Variants in KCNJ6 observed in about 807,000 individuals in gnomAD.
The protein encoded by KCNJ6 is potassium inwardly rectifying channel subfamily J member 6, also known as G protein-activated inward rectifier potassium channel 2.
Under a neutral mutation model 34.2 loss-of-function variants are expected in KCNJ6, and 9 were observed. That is an observed-to-expected ratio of 0.26 (90% CI 0.16 to 0.46). The LOEUF is 0.46. Among genes scored for constraint, KCNJ6 ranks in the 20% least tolerant of loss-of-function variants. KCNJ6 has a pLI of 1.00. For missense variants in KCNJ6, 236 were observed against 531.3 expected, an observed-to-expected ratio of 0.44 and a Z score of 5.46; for synonymous variants, 196 against 207.1, an observed-to-expected ratio of 0.95 and a Z score of 0.46.
intron 1 of KCNJ6, among the ~76,000 whole-genome samples, chr21:37,845,923 A>G (rs991395584): frequency 1.3e-5 from 2 of 152,166 alleles, no homozygotes; most frequent in African/African-American, 2.4e-5. Context: ...CACTCCACTT[A>G]AAGTCGTATT....
At chr21:37,833,562 G>A (rs561206851) in intron 2 of KCNJ6, among the ~76,000 whole-genome samples, 8 of 152,234 alleles carry the variant, frequency 5.3e-5, no homozygotes, top group African/African-American at 1.4e-4. Flanking sequence ...ATGTGAAAAC[G>A]CAGGTGGAGA....
intron 3 of KCNJ6, among the ~76,000 whole-genome samples, chr21:37,688,945 TGTA>T (rs1381619846): frequency 6.6e-6 from 1 of 152,206 alleles, no homozygotes; most frequent in Non-Finnish European, 1.5e-5. Context: ...ATAATTCTAT[TGTA>T]GTAGAGATAC....
At chr21:37,778,502 G>T (rs117416181) in intron 2 of KCNJ6, among the ~76,000 whole-genome samples, 28 of 152,018 alleles carry the variant, frequency 1.8e-4, no homozygotes, top group Non-Finnish European at 3.4e-4. Context: ...TTTTGCAATG[G>T]AAGATAACTT....
rs925352036 is a variant in KCNJ6 at position 37,615,688 on chromosome 21, A to G, written c.*9471T>C. On this transcript the variant is annotated 3_prime_UTR_variant, in exon 4 of 4. Transcript: ENST00000609713. ...TTCTGATTTGAAATCAGGTTTTCTG[A>G]AAGAATCCATAAGTAAATTTTAAAA... 2.0e-5 allele frequency: 3 copies of G among 152,206 alleles called. No homozygotes were observed. The highest frequency in any genetic ancestry group is 7.2e-5 in the African/African-American group (3 of 41,456). 9.4% of individuals were successfully genotyped at this position (152,206 alleles called of 1,614,324 possible). A position where few individuals can be genotyped will look rare whatever the true frequency, so the allele number is the denominator to read the frequency against.
At chr21:37,636,507 G>A (rs2054358813) in intron 3 of KCNJ6, among the ~76,000 whole-genome samples, 2 of 152,212 alleles carry the variant, frequency 1.3e-5, no homozygotes, top group African/African-American at 4.8e-5. Flanking sequence ...CAAGAGTTAA[G>A]CTTGCAGGGA....
intron 3 of KCNJ6, among the ~76,000 whole-genome samples, chr21:37,655,179 T>TGTGTGTGTGTGTGTG (rs1377937886): frequency 1.2e-4 from 3 of 24,028 alleles, no homozygotes; most frequent in Admixed American, 1.1e-3. Flanking sequence ...CTCTAGACAT[T>TGTGTGTGTGTGTGTG]TGTGTGTGTG....
intron 3 of KCNJ6, among the ~76,000 whole-genome samples, chr21:37,708,314 C>T (rs1006999965): frequency 6.6e-6 from 1 of 152,114 alleles, no homozygotes; most frequent in African/African-American, 2.4e-5. Flanking sequence ...ATCCAAAATC[C>T]AATTGTTAAG....
chr21:37,719,433 A>G (rs1327689845), intron 2 of KCNJ6: 1 of 152,096 alleles, frequency 6.6e-6, no homozygotes, highest in Non-Finnish European at 1.5e-5. Context: ...TGGTTGGGAG[A>G]GCAGACATTT....
At chr21:37,673,505 G>T (rs568071937) in intron 3 of KCNJ6, among the ~76,000 whole-genome samples, 129 of 152,326 alleles carry the variant, frequency 8.5e-4, no homozygotes, top group African/African-American at 2.8e-3. Context: ...AGAAATGAGG[G>T]TGCATCTCAG....
chr21:37,860,098 A>G (rs1351508653), intron 1 of KCNJ6, among the ~76,000 whole-genome samples: 1 of 152,028 alleles, frequency 6.6e-6, no homozygotes, highest in Non-Finnish European at 1.5e-5. Flanking sequence ...TGCAATGGCT[A>G]TTTCCATCTT....
At chr21:37,666,091 A>G (rs2054512672) in intron 3 of KCNJ6, among the ~76,000 whole-genome samples, 2 of 152,354 alleles carry the variant, frequency 1.3e-5, no homozygotes, top group African/African-American at 4.8e-5. Context: ...AGGTTAGAAG[A>G]CATGGCTTGC....
chr21:37,637,884 G>A, intron 3 of KCNJ6, among the ~76,000 whole-genome samples: 1 of 152,218 alleles, frequency 6.6e-6, no homozygotes, highest in East Asian at 1.9e-4. Context: ...CTACAAGCTA[G>A]GCAGAGAGCC....
chr21:37,777,454 T>C (rs1256276801), intron 2 of KCNJ6, among the ~76,000 whole-genome samples: 1 of 152,200 alleles, frequency 6.6e-6, no homozygotes, highest in Non-Finnish European at 1.5e-5. Context: ...CTGAGGACTT[T>C]TTCCTGGTCT....
chr21:37,683,984 A>G (rs1263586734), intron 3 of KCNJ6, among the ~76,000 whole-genome samples: 1 of 152,240 alleles, frequency 6.6e-6, no homozygotes, highest in Non-Finnish European at 1.5e-5. Flanking sequence ...CAGAGGAAAG[A>G]TGTTCTGTGT....
intron 2 of KCNJ6, among the ~76,000 whole-genome samples, chr21:37,806,286 A>G (rs2055293178): frequency 6.6e-6 from 1 of 152,226 alleles, no homozygotes; most frequent in South Asian, 2.1e-4. Context: ...AGTTAATGAA[A>G]GGAGATAGGA....
chr21:37,632,527 TA>T (rs1035936950), intron 3 of KCNJ6, among the ~76,000 whole-genome samples: 10 of 152,060 alleles, frequency 6.6e-5, no homozygotes, highest in Non-Finnish European at 1.5e-4. Context: ...TATAAATTAA[TA>T]AAATATAAAA....
chr21:37,693,988 C>A (rs1298669428), intron 3 of KCNJ6, among the ~76,000 whole-genome samples: 3 of 152,016 alleles, frequency 2.0e-5, no homozygotes, highest in Admixed American at 2.0e-4. Flanking sequence ...CATTGATTAT[C>A]TAAACATTGA....
intron 1 of KCNJ6, among the ~76,000 whole-genome samples, chr21:37,887,217 A>T (rs1039792604): frequency 1.3e-5 from 2 of 152,132 alleles, no homozygotes; most frequent in Non-Finnish European, 2.9e-5. Context: ...AACCTTGTAA[A>T]GAACCACGGT....
intron 2 of KCNJ6, among the ~76,000 whole-genome samples, chr21:37,837,381 T>C (rs2123574755): frequency 6.6e-6 from 1 of 152,340 alleles, no homozygotes; most frequent in East Asian, 1.9e-4. Flanking sequence ...TTAAAATCTA[T>C]CTCTTGCTTG....
Sources: gnomAD v4.1 joint callset for allele counts (sites outside exome capture counted in the v4.1 genomes callset) on GRCh38, gnomAD v4.1.1 for gene constraint, MANE v1.5 for transcripts, NCBI Gene and HGNC (gene_info 2026-07-23, HGNC 2026-07-21) for gene names.